The following GALNT13 variants were observed in gnomAD, a reference collection of about 807,000 sequenced individuals.
GALNT13 encodes polypeptide N-acetylgalactosaminyltransferase 13.
GALNT13 carries 28 observed loss-of-function variants against 64.2 expected under a neutral mutation model. The observed-to-expected ratio is 0.44, with a 90% CI of 0.32 to 0.60. The LOEUF (loss-of-function observed/expected upper bound fraction) is 0.60. GALNT13 is among the 20% of genes least tolerant of loss of function. GALNT13 has a pLI of 0.05. For synonymous variants in GALNT13, 214 were observed against 224.6 expected (o/e 0.95, Z 0.42); for missense variants, 577 against 669.8 (o/e 0.86, Z 1.53).
chr2:153,336,439 G>T, the GALNT13 span, among the ~76,000 whole-genome samples: 1 of 152,192 alleles, frequency 6.6e-6, no homozygotes, highest in Non-Finnish European at 1.5e-5. Context: ...TGACCTGGAT[G>T]TGAGACCTGG....
chr2:153,832,817 GTC>G, the GALNT13 span, among the ~76,000 whole-genome samples: 1 of 152,134 alleles, frequency 6.6e-6, no homozygotes, highest in East Asian at 1.9e-4. Context: ...AAGCCAGACA[GTC>G]TCTGTCACAG....
intron 4 of GALNT13, among the ~76,000 whole-genome samples, chr2:154,155,481 G>T (rs1042875268): frequency 1.3e-5 from 2 of 151,808 alleles, no homozygotes; most frequent in Non-Finnish European, 2.9e-5. Context: ...ACTATTTTTT[G>T]CCCCAGATGT....
At chr2:154,225,864 T>C (rs1688592390) in intron 4 of GALNT13, among the ~76,000 whole-genome samples, 1 of 152,080 alleles carries the variant, frequency 6.6e-6, no homozygotes, top group Non-Finnish European at 1.5e-5. Context: ...AGGCTGTCTG[T>C]CTAGATTTTT....
chr2:153,285,139 G>GGA, the GALNT13 span, among the ~76,000 whole-genome samples: 1 of 152,036 alleles, frequency 6.6e-6, no homozygotes, highest in East Asian at 1.9e-4. Flanking sequence ...CAGGGCGGCA[G>GGA]GAGAGAATGA....
At chr2:153,864,764 C>T in the GALNT13 span, among the ~76,000 whole-genome samples, 1 of 150,278 alleles carries the variant, frequency 6.7e-6, no homozygotes, top group Non-Finnish European at 1.5e-5. Context: ...AATGCCATCC[C>T]CATCAAGCTA....
At chr2:154,442,663 T>C (rs910882294) in intron 12 of GALNT13, among the ~76,000 whole-genome samples, 4 of 152,136 alleles carry the variant, frequency 2.6e-5, no homozygotes, top group Admixed American at 2.6e-4. Context: ...TCAGGTGTTC[T>C]TATATTCTGT....
At chr2:154,438,056 G>C (rs760718258) in intron 11 of GALNT13, among the ~76,000 whole-genome samples, 1 of 152,002 alleles carries the variant, frequency 6.6e-6, no homozygotes, top group Non-Finnish European at 1.5e-5. Context: ...AGAGAGATAA[G>C]TGTAGAGCCT....
the GALNT13 span, among the ~76,000 whole-genome samples, chr2:153,336,232 A>G: frequency 6.6e-6 from 1 of 152,000 alleles, no homozygotes. Flanking sequence ...GGCACTGCCT[A>G]GTGGAGCTGT....
At chr2:153,524,098 T>C in the GALNT13 span, among the ~76,000 whole-genome samples, 18 of 152,210 alleles carry the variant, frequency 1.2e-4, no homozygotes, top group African/African-American at 4.1e-4. Context: ...GTTGACGTGA[T>C]GAATTACATT....
chr2:153,871,057 G>A (rs563922226), upstream of GALNT13, among the ~76,000 whole-genome samples: 1 of 152,130 alleles, frequency 6.6e-6, no homozygotes, highest in African/African-American at 2.4e-5. Flanking sequence ...TAATGTCTGC[G>A]TCTTAGGTTT....
the GALNT13 span, among the ~76,000 whole-genome samples, chr2:153,727,452 A>C: frequency 6.6e-6 from 1 of 152,116 alleles, no homozygotes; most frequent in Admixed American, 6.6e-5. Context: ...TGAACGTTCA[A>C]GTGTACACAT....
the GALNT13 span, among the ~76,000 whole-genome samples, chr2:153,673,396 A>T: frequency 6.6e-6 from 1 of 152,144 alleles, no homozygotes; most frequent in African/African-American, 2.4e-5. Flanking sequence ...ATGCAAGGCT[A>T]GTTCAACATA....
chr2:153,837,628 A>G, the GALNT13 span, among the ~76,000 whole-genome samples: 1 of 152,036 alleles, frequency 6.6e-6, no homozygotes, highest in Non-Finnish European at 1.5e-5. Flanking sequence ...ATGTAACTAT[A>G]TCTATAGATA....
chr2:153,926,248 A>T (rs1220701815), intron 2 of GALNT13: 5 of 152,066 alleles, frequency 3.3e-5, no homozygotes, highest in Non-Finnish European at 7.4e-5. Context: ...TTTACATGAG[A>T]TGAATATACA....
the GALNT13 span, among the ~76,000 whole-genome samples, chr2:153,838,304 A>T: frequency 5.9e-5 from 9 of 151,806 alleles, no homozygotes; most frequent in Non-Finnish European, 1.3e-4. Flanking sequence ...TTTTGGTGTG[A>T]TATCCAAAAA....
the GALNT13 span, among the ~76,000 whole-genome samples, chr2:153,267,420 G>A: frequency 6.6e-6 from 1 of 152,318 alleles, no homozygotes; most frequent in East Asian, 1.9e-4. Context: ...CTGAAATCTA[G>A]GTGGAGGTTT....
chr2:153,345,666 T>TCTTTCTTTCTTTCTTC, the GALNT13 span, among the ~76,000 whole-genome samples: 1 of 143,032 alleles, frequency 7.0e-6, no homozygotes, highest in African/African-American at 2.7e-5. Flanking sequence ...TTTCTTTCTT[T>TCTTTCTTTCTTTCTTC]CTTTCTTTCT....
chr2:154,037,680 T>C (rs1452530639), intron 3 of GALNT13, among the ~76,000 whole-genome samples: 3 of 152,186 alleles, frequency 2.0e-5, no homozygotes, highest in African/African-American at 7.2e-5. Flanking sequence ...AAAATCAACA[T>C]ATAAAAATCA....
intron 9 of GALNT13, among the ~76,000 whole-genome samples, chr2:154,333,070 A>T (rs1055847064): frequency 9.2e-5 from 14 of 152,054 alleles, no homozygotes; most frequent in Admixed American, 2.6e-4. Flanking sequence ...CTTTAGAATG[A>T]CCTTTTGATG....
Sources: gnomAD v4.1 joint callset for allele counts (sites outside exome capture counted in the v4.1 genomes callset) on GRCh38, gnomAD v4.1.1 for gene constraint, MANE v1.5 for transcripts, NCBI Gene and HGNC (gene_info 2026-07-23, HGNC 2026-07-21) for gene names.